Variants in ASTN2 observed in about 807,000 individuals in gnomAD.
ASTN2 encodes astrotactin 2.
Under a neutral mutation model 139.8 loss-of-function variants are expected in ASTN2, and 54 were observed. The ratio of observed to expected loss-of-function variants is 0.39; its 90% CI spans 0.31 to 0.48. The LOEUF (loss-of-function observed/expected upper bound fraction) is 0.48. ASTN2 is among the 20% of genes least tolerant of loss of function. The pLI is 0.95. For missense variants in ASTN2, 1,565 were observed against 1,725.1 expected (o/e 0.91, Z 1.64); for synonymous variants, 756 against 719.5 (o/e 1.05, Z -0.81).
chr9:117,371,433 A>T (rs1018035209), intron 1 of ASTN2, among the ~76,000 whole-genome samples: 3 of 152,170 alleles, frequency 2.0e-5, no homozygotes, highest in African/African-American at 7.2e-5. Context: ...TCGTAGTGCT[A>T]TTCCTGTAAA....
Position 116,699,503 on chromosome 9 carries a change from T to G in ASTN2, c.2806+26268A>C, listed in dbSNP as rs1055524058. 6.2e-7 allele frequency: 1 copy of G among 1,614,208 alleles called. No homozygotes were observed. The highest frequency in any genetic ancestry group is 8.5e-7 in the Non-Finnish European group (1 of 1,180,040). On this transcript the variant is annotated intron_variant, in intron 16 of 22. Transcript: ENST00000313400. The surrounding 1 kb of genome is among the most constrained non-coding windows in gnomAD (Gnocchi z 4.2). ...CTGGCATGTGTGTGGATGCTCGTGG[T>G]GATCTCATCGTGGCTGACAGTAGTC... is the stretch of plus-strand genomic sequence containing the variant.
intron 20 of ASTN2, among the ~76,000 whole-genome samples, chr9:116,451,692 C>A (rs1042419823): frequency 1.3e-5 from 2 of 152,116 alleles, no homozygotes; most frequent in African/African-American, 4.8e-5. Flanking sequence ...CTGTCTGCTG[C>A]AAACTGGGAT....
chr9:116,763,795 T>C (rs1829736908), intron 13 of ASTN2, among the ~76,000 whole-genome samples: 1 of 152,188 alleles, frequency 6.6e-6, no homozygotes, highest in African/African-American at 2.4e-5. Context: ...GGGTTAATAG[T>C]AGATACCCAG....
chr9:117,298,728 GTGTGTA>G lies in ASTN2; in HGVS notation c.443-7221_443-7216del, dbSNP rs67613193. 6.1e-3 allele frequency among the ~76,000 whole-genome samples: 799 copies of G among 131,316 alleles called. 1 individual carries two copies. Among genetic ancestry groups the G allele is most frequent in the East Asian group, 9.1e-3 (38 of 4,174 alleles). The allele number at this position is 131,316 out of a possible 152,430, so 86.1% of individuals were successfully genotyped here. On this transcript the variant is annotated intron_variant, in intron 1 of 22. Transcript: ENST00000313400. Reference sequence around the variant, plus strand: ...TGTGTGTGTGTGTGTGTGTGTGTGTGTGTGTATATATATATATCTTAAAATAGTCTA... The same window carrying G: ...TGTGTGTGTGTGTGTGTGTGTGTGTGTATATATATATCTTAAAATAGTCTA...
intron 1 of ASTN2, among the ~76,000 whole-genome samples, chr9:117,337,091 G>A (rs1230478276): frequency 6.6e-6 from 1 of 152,060 alleles, no homozygotes; most frequent in African/African-American, 2.4e-5. Flanking sequence ...TTAATGAAGA[G>A]GGGTTTTAAA....
chr9:116,502,714 GGAAGGAAGGAAGGAAGGAATGAATGAAT>G lies in ASTN2; in HGVS notation c.3356-15242_3356-15215del, dbSNP rs1224330636. On this transcript the variant is annotated intron_variant, in intron 19 of 22. Coordinates refer to ENST00000313400, the MANE Select transcript of ASTN2 (RefSeq NM_001365068.1). ...AGGAAGGAAGGAAGGAAGGAAGGAA[GGAAGGAAGGAAGGAAGGAATGAATGAAT>G]GAATGAGGGAAGGAAGGAGAGAAGG... 8.4e-3 allele frequency among the ~76,000 whole-genome samples: 585 copies of G among 69,664 alleles called. 11 individuals are homozygous for G. The highest frequency in any genetic ancestry group is 0.03 in the African/African-American group (541 of 17,940). The allele number at this position is 69,664 out of a possible 152,430, so 45.7% of individuals were successfully genotyped here.
At chr9:116,491,992 TAGAC>T (rs1353184060) in intron 19 of ASTN2, among the ~76,000 whole-genome samples, 3 of 152,106 alleles carry the variant, frequency 2.0e-5, no homozygotes, top group African/African-American at 4.8e-5. Context: ...GTATCTAACT[TAGAC>T]AGTTGCAAAC....
chr9:116,881,379 A>C (rs1264372682), intron 10 of ASTN2, among the ~76,000 whole-genome samples: 1 of 152,164 alleles, frequency 6.6e-6, no homozygotes, highest in Non-Finnish European at 1.5e-5. Context: ...TGAAGTCCAT[A>C]TTCTTCTCCC....
At chr9:116,602,638 A>G (rs2131765611) in intron 19 of ASTN2, among the ~76,000 whole-genome samples, 1 of 152,272 alleles carries the variant, frequency 6.6e-6, no homozygotes, top group South Asian at 2.1e-4. Flanking sequence ...TGGGTTTAAG[A>G]ATGATGAAGG....
At chr9:117,106,313 G>A (rs10983523) in intron 4 of ASTN2, among the ~76,000 whole-genome samples, 2,040 of 151,570 alleles carry the variant, frequency 0.013, 49 homozygotes, top group African/African-American at 0.047. Context: ...TGCAACCTCC[G>A]CCTCCCATTT....
At chr9:117,197,634 T>G (rs1424523136) in intron 3 of ASTN2, among the ~76,000 whole-genome samples, 2 of 152,220 alleles carry the variant, frequency 1.3e-5, no homozygotes, top group African/African-American at 4.8e-5. Flanking sequence ...CATATACATA[T>G]GTATGTATGT....
chr9:116,876,114 G>C (rs1833288837), intron 10 of ASTN2, among the ~76,000 whole-genome samples: 1 of 152,174 alleles, frequency 6.6e-6, no homozygotes. Context: ...GATGCCATGA[G>C]AAAAATTTCT....
At position 117,411,604 on chromosome 9, in the gene ASTN2, C is replaced by T. The variant is rs149877344; in HGVS notation, c.442+2893G>A. On this transcript the variant is annotated intron_variant, in intron 1 of 22. Transcript: ENST00000313400. ...TGCATGCAAAATTACCTTGAGGTCC[C>T]CCACTGGAGTTTGAATAAACTAAGA... 1.1e-4 allele frequency among the ~76,000 whole-genome samples: 16 copies of T among 152,244 alleles called. No homozygotes were observed. In the East Asian group the frequency reaches 2.9e-3, roughly 28 times the overall value.
At chr9:116,597,332 G>C (rs1162757212) in intron 19 of ASTN2, among the ~76,000 whole-genome samples, 2 of 42,844 alleles carry the variant, frequency 4.7e-5, no homozygotes, top group Non-Finnish European at 1.0e-4. Flanking sequence ...TTGGAGATAA[G>C]AGTTTCACTC....
intron 5 of ASTN2, among the ~76,000 whole-genome samples, chr9:117,043,164 C>T (rs944616019): frequency 1.3e-5 from 2 of 152,124 alleles, no homozygotes; most frequent in Admixed American, 1.3e-4. Flanking sequence ...AACCACCATG[C>T]CTGGCCAGCA....
At chr9:117,093,404 C>G (rs1355643364) in intron 5 of ASTN2, among the ~76,000 whole-genome samples, 1 of 152,160 alleles carries the variant, frequency 6.6e-6, no homozygotes, top group Non-Finnish European at 1.5e-5. Context: ...AATTGATGCA[C>G]AGAGACGTTA....
chr9:116,544,672 G>C (rs1852017001), intron 19 of ASTN2, among the ~76,000 whole-genome samples: 1 of 152,138 alleles, frequency 6.6e-6, no homozygotes, highest in South Asian at 2.1e-4. Context: ...CAAAGTTAAG[G>C]ACATACAGAC....
chr9:116,434,846 A>G (rs2118842486), intron 22 of ASTN2, among the ~76,000 whole-genome samples: 1 of 152,254 alleles, frequency 6.6e-6, no homozygotes, highest in African/African-American at 2.4e-5. Context: ...GCTCTGGGGG[A>G]CACTGGCCTG....
intron 10 of ASTN2, among the ~76,000 whole-genome samples, chr9:116,867,549 C>CAAAAAAAAAAAAA (rs58222492): frequency 1.3e-5 from 1 of 78,306 alleles, no homozygotes; most frequent in Non-Finnish European, 2.3e-5. Context: ...GACTCTGTCT[C>CAAAAAAAAAAAAA]AAAAAAAAAA....
Sources: gnomAD v4.1 joint callset for allele counts (sites outside exome capture counted in the v4.1 genomes callset) on GRCh38, gnomAD v4.1.1 for gene constraint, Gnocchi (gnomAD v3.1) non-coding constraint, MANE v1.5 for transcripts, NCBI Gene and HGNC (gene_info 2026-07-23, HGNC 2026-07-21) for gene names.